Variants in DCDC2 observed in about 807,000 individuals in gnomAD.
DCDC2 encodes doublecortin domain containing 2.
In DCDC2, 40 loss-of-function variants were observed where a neutral mutation model predicts 50.2. The ratio of observed to expected loss-of-function variants is 0.80; its 90% confidence interval spans 0.62 to 1.04. DCDC2 has a LOEUF of 1.04. DCDC2 is among the 50% of genes least tolerant of loss of function. The pLI, the probability that DCDC2 is intolerant of heterozygous loss-of-function variation, is 0.00. For synonymous variants in DCDC2, 234 were observed against 210.6 expected (o/e 1.11, Z -0.96); for missense variants, 570 against 581.9 (o/e 0.98, Z 0.21).
In DCDC2 at chr6:24,236,209, A is replaced by T. The variant is rs181761236; in HGVS notation, c.923-31107T>A. Among the ~76,000 whole-genome samples the T allele has an allele frequency of 2.6e-5, 4 of 152,362 alleles. No individual in the cohort carries two copies. The East Asian group carries it at 7.7e-4, about 29-fold the overall frequency. ...CAAACTATACTAAAAGGCTAAAGTA[A>T]CCCAAACAGCATGGCACTGGTACAA... On this transcript the variant is annotated intron_variant, in intron 7 of 9. Transcript: ENST00000378454.
At chr6:24,185,720 CACACACAT>C (rs779692544) in intron 8 of DCDC2, among the ~76,000 whole-genome samples, 92 of 130,780 alleles carry the variant, frequency 7.0e-4, no homozygotes, top group South Asian at 2.0e-3. Flanking sequence ...CACACACACA[CACACACAT>C]ATACACACAG....
intron 2 of DCDC2, among the ~76,000 whole-genome samples, chr6:24,333,713 G>A (rs913333739): frequency 6.6e-6 from 1 of 152,124 alleles, no homozygotes. Context: ...ATGGTAACAG[G>A]ATCAGATTAG....
chr6:24,189,730 A>G (rs1761274545), intron 8 of DCDC2, among the ~76,000 whole-genome samples: 1 of 152,174 alleles, frequency 6.6e-6, no homozygotes, highest in Admixed American at 6.5e-5. Context: ...TCTCCCTAAA[A>G]TAACCTAGAC....
upstream of DCDC2, among the ~76,000 whole-genome samples, chr6:24,358,893 A>AATATAT (rs1561788443): frequency 2.6e-3 from 45 of 17,002 alleles, no homozygotes; most frequent in African/African-American, 0.02. Context: ...ATATATTTAT[A>AATATAT]TATATAATAT....
At chr6:24,183,997 G>T (rs538102507) in intron 8 of DCDC2, among the ~76,000 whole-genome samples, 1 of 152,136 alleles carries the variant, frequency 6.6e-6, no homozygotes, top group East Asian at 1.9e-4. Flanking sequence ...AACATCACAC[G>T]CAGCATTTCA....
intron 7 of DCDC2, among the ~76,000 whole-genome samples, chr6:24,225,212 G>C (rs1197165225): frequency 6.6e-6 from 1 of 152,126 alleles, no homozygotes; most frequent in East Asian, 1.9e-4. Flanking sequence ...GACTCTGGGT[G>C]CTTTTTTTAA....
the DCDC2 span, among the ~76,000 whole-genome samples, chr6:24,373,250 GGGAA>G: frequency 6.6e-6 from 1 of 152,158 alleles, no homozygotes; most frequent in African/African-American, 2.4e-5. Context: ...ACATATCCTA[GGGAA>G]ACTCCTGCAC....
intron 4 of DCDC2, among the ~76,000 whole-genome samples, chr6:24,291,754 G>A (rs1300120729): frequency 6.6e-6 from 1 of 151,912 alleles, no homozygotes. Flanking sequence ...CAAAGTGCTG[G>A]GATTACAGGC....
At chr6:24,210,777 T>C (rs149282141) in intron 7 of DCDC2, among the ~76,000 whole-genome samples, 332 of 152,350 alleles carry the variant, frequency 2.2e-3, no homozygotes, top group African/African-American at 7.5e-3. Flanking sequence ...CATTGTTCCA[T>C]CACATATACA....
chr6:24,280,615 C>A (rs1433144986), intron 6 of DCDC2, among the ~76,000 whole-genome samples: 1 of 152,054 alleles, frequency 6.6e-6, no homozygotes, highest in African/African-American at 2.4e-5. Context: ...CGGCTCACTG[C>A]AACCTCCGCC....
the DCDC2 span, among the ~76,000 whole-genome samples, chr6:24,369,130 T>C: frequency 1.5e-5 from 1 of 65,832 alleles, no homozygotes; most frequent in African/African-American, 5.5e-5. Flanking sequence ...TAAGACTCTG[T>C]CTCAAAAAAA....
At chr6:24,328,008 T>C (rs1759904931) in intron 2 of DCDC2, among the ~76,000 whole-genome samples, 1 of 152,186 alleles carries the variant, frequency 6.6e-6, no homozygotes, top group South Asian at 2.1e-4. Context: ...CGCTATTCCA[T>C]TTGCATGGAT....
chr6:24,222,540 T>C (rs893674613), intron 7 of DCDC2, among the ~76,000 whole-genome samples: 1 of 152,220 alleles, frequency 6.6e-6, no homozygotes, highest in African/African-American at 2.4e-5. Flanking sequence ...GAAATAAAAA[T>C]GTTAATGTGG....
intron 7 of DCDC2, among the ~76,000 whole-genome samples, chr6:24,240,798 T>G (rs572915562): frequency 6.6e-6 from 1 of 151,900 alleles, no homozygotes; most frequent in East Asian, 1.9e-4. Context: ...TGGCTGAGAG[T>G]TTAGGCTATC....
At chr6:24,182,114 A>C (rs1761086545) in intron 8 of DCDC2, among the ~76,000 whole-genome samples, 1 of 152,214 alleles carries the variant, frequency 6.6e-6, no homozygotes, top group East Asian at 1.9e-4. Context: ...ATCTACATGC[A>C]AAAGAATGAA....
the DCDC2 span, among the ~76,000 whole-genome samples, chr6:24,363,410 A>C: frequency 2.6e-5 from 4 of 152,160 alleles, no homozygotes; most frequent in African/African-American, 4.8e-5. Context: ...CTGAGGTGGG[A>C]GAATCATCAG....
At chr6:24,353,530 C>T (rs375066685) in intron 2 of DCDC2, 39 bp downstream of exon 2, 6 of 1,291,684 alleles carry the variant, frequency 4.6e-6, no homozygotes, top group African/African-American at 1.5e-5. Context: ...CAAATGGCAC[C>T]GTTATTTATT....
intron 7 of DCDC2, among the ~76,000 whole-genome samples, chr6:24,252,803 A>G (rs1273611955): frequency 6.6e-6 from 1 of 152,202 alleles, no homozygotes; most frequent in Non-Finnish European, 1.5e-5. Context: ...GCTGAGCCAT[A>G]ATGCAAGTCT....
Position 24,175,570 on chromosome 6 carries a change from T to TTA in DCDC2, c.1327-738_1327-737dup, listed in dbSNP as rs957396979. ...GGCCATGACTGATGCTTTGAAGAAATTATATATATATATGACTGGTGCCGT... is the reference window on the plus strand; with the variant it reads ...GGCCATGACTGATGCTTTGAAGAAATTATATATATATATATGACTGGTGCCGT... On this transcript the variant is annotated intron_variant, in intron 9 of 9. Transcript: ENST00000378454. 1.1e-4 allele frequency among the ~76,000 whole-genome samples: 17 copies of TTA among 151,982 alleles called. No homozygotes were observed. The East Asian group carries it at 2.3e-3, about 21-fold the overall frequency.
Sources: gnomAD v4.1 joint callset for allele counts (sites outside exome capture counted in the v4.1 genomes callset) on GRCh38, gnomAD v4.1.1 for gene constraint, MANE v1.5 for transcripts, NCBI Gene and HGNC (gene_info 2026-07-23, HGNC 2026-07-21) for gene names.